ZMAT4: variants seen among roughly 807,000 people sequenced by gnomAD.
ZMAT4 encodes zinc finger matrin-type 4.
ZMAT4 carries 17 observed loss-of-function variants against 28.7 expected under a neutral mutation model. That is an observed-to-expected ratio of 0.59 (90% confidence interval 0.41 to 0.89). The LOEUF (loss-of-function observed/expected upper bound fraction) is 0.89. ZMAT4 is among the 40% of genes least tolerant of loss of function. ZMAT4 has a pLI of 0.00. For synonymous variants in ZMAT4, 117 were observed against 109.2 expected (o/e 1.07, Z -0.44); for missense variants, 240 against 283.8 (o/e 0.85, Z 1.11).
intron 3 of ZMAT4, among the ~76,000 whole-genome samples, chr8:40,731,709 G>A (rs1433651398): frequency 2.6e-5 from 4 of 152,070 alleles, no homozygotes; most frequent in Admixed American, 1.3e-4. Context: ...GGGAAGACAC[G>A]GAAAAAGTCA....
intron 5 of ZMAT4, among the ~76,000 whole-genome samples, chr8:40,651,723 C>A (rs538084065): frequency 4.6e-5 from 7 of 151,868 alleles, no homozygotes; most frequent in Non-Finnish European, 8.8e-5. Flanking sequence ...GGTACTGGTA[C>A]CAAAACAGAG....
At chr8:40,855,469 G>A (rs899609558) in intron 1 of ZMAT4, among the ~76,000 whole-genome samples, 2 of 152,104 alleles carry the variant, frequency 1.3e-5, no homozygotes, top group Non-Finnish European at 2.9e-5. Context: ...CACAGGTTCT[G>A]TAGGAGTAGA....
At chr8:40,609,216 C>T (rs575977466) in intron 5 of ZMAT4, among the ~76,000 whole-genome samples, 7 of 152,204 alleles carry the variant, frequency 4.6e-5, no homozygotes, top group South Asian at 4.2e-4. Flanking sequence ...ATGTAAGACC[C>T]AAATTTTATC....
At chr8:40,697,148 G>A (rs369932576) in intron 4 of ZMAT4, 97 bp downstream of exon 4, 9 of 1,390,248 alleles carry the variant, frequency 6.5e-6, no homozygotes, top group Non-Finnish European at 8.7e-6. Context: ...ATTAGGCTCT[G>A]GTTCTGGCAA....
At chr8:40,684,637 G>C (rs187158495) in intron 4 of ZMAT4, among the ~76,000 whole-genome samples, 1 of 152,340 alleles carries the variant, frequency 6.6e-6, no homozygotes, top group African/African-American at 2.4e-5. Flanking sequence ...TATTCAACTA[G>C]AGAGCCAGCT....
chr8:40,659,509 T>A (rs575003859), intron 5 of ZMAT4, among the ~76,000 whole-genome samples: 1 of 152,182 alleles, frequency 6.6e-6, no homozygotes, highest in African/African-American at 2.4e-5. Flanking sequence ...CCAGGGGTGG[T>A]CAAACAGAAT....
chr8:40,886,188 C>T (rs1190337646), intron 1 of ZMAT4, among the ~76,000 whole-genome samples: 1 of 152,200 alleles, frequency 6.6e-6, no homozygotes, highest in Non-Finnish European at 1.5e-5. Flanking sequence ...TCACACAGCC[C>T]CAGAGCCAGG....
intron 6 of ZMAT4, among the ~76,000 whole-genome samples, chr8:40,580,395 T>C (rs1353339120): frequency 6.6e-6 from 1 of 152,196 alleles, no homozygotes; most frequent in Non-Finnish European, 1.5e-5. Context: ...TTAACATTCA[T>C]AATTCATGAG....
chr8:40,883,416 C>T (rs1379485650), intron 1 of ZMAT4, among the ~76,000 whole-genome samples: 2 of 152,168 alleles, frequency 1.3e-5, no homozygotes, highest in Non-Finnish European at 2.9e-5. Context: ...CCTGGAATGT[C>T]GAACCCCTCT....
chr8:40,670,650 A>G (rs1808626240), intron 5 of ZMAT4, among the ~76,000 whole-genome samples: 1 of 152,250 alleles, frequency 6.6e-6, no homozygotes, highest in Non-Finnish European at 1.5e-5. Context: ...GTGAATCCAT[A>G]ATACGTGAAA....
intron 5 of ZMAT4, among the ~76,000 whole-genome samples, chr8:40,587,150 G>C (rs1426394311): frequency 6.6e-6 from 1 of 151,152 alleles, no homozygotes; most frequent in Admixed American, 6.6e-5. Flanking sequence ...GAAAACACCT[G>C]TTCACTCAGA....
intron 2 of ZMAT4, among the ~76,000 whole-genome samples, chr8:40,788,764 CAA>C (rs1814194644): frequency 7.0e-6 from 1 of 142,560 alleles, no homozygotes; most frequent in East Asian, 2.0e-4. Flanking sequence ...AAGGACATTA[CAA>C]GGAAAAAAAA....
At chr8:40,883,302 C>T (rs1818343084) in intron 1 of ZMAT4, among the ~76,000 whole-genome samples, 1 of 152,182 alleles carries the variant, frequency 6.6e-6, no homozygotes, top group Admixed American at 6.5e-5. Context: ...GTCACATGTT[C>T]CCTAGTCTGT....
In ZMAT4 at chr8:40,848,039, C is replaced by T. The variant is rs574976280; in HGVS notation, c.-4-22359G>A. On this transcript the variant is annotated intron_variant, in intron 1 of 6. Coordinates refer to ENST00000297737, the MANE Select transcript of ZMAT4 (RefSeq NM_024645.3). The stretch of plus-strand genomic sequence containing the variant: ...AGTGGGCAATGTTGTAAATGAGGAG[C>T]GGTTTATCTGCTGGAACACTAGATT... 2.4e-3 allele frequency among the ~76,000 whole-genome samples: 360 copies of T among 152,264 alleles called. 2 individuals carry two copies. The highest frequency in any genetic ancestry group is 8.4e-3 in the African/African-American group (351 of 41,542).
At chr8:40,688,320 T>C (rs751317245) in intron 4 of ZMAT4, among the ~76,000 whole-genome samples, 48 of 151,778 alleles carry the variant, frequency 3.2e-4, no homozygotes, top group Non-Finnish European at 6.5e-4. Context: ...GCTGAGTGTA[T>C]TGGCATGCAC....
intron 5 of ZMAT4, among the ~76,000 whole-genome samples, chr8:40,585,581 C>T (rs1804641077): frequency 6.6e-6 from 1 of 151,922 alleles, no homozygotes; most frequent in African/African-American, 2.4e-5. Flanking sequence ...CAATACTGGA[C>T]CTTTAAAAAA....
intron 2 of ZMAT4, among the ~76,000 whole-genome samples, chr8:40,775,703 A>G (rs1813563722): frequency 6.6e-6 from 1 of 152,090 alleles, no homozygotes. Context: ...CTGTGGCTGA[A>G]GGTGCCATGC....
At position 40,550,131 on chromosome 8, in the gene ZMAT4, G is replaced by A. The variant is rs185251887; in HGVS notation, c.675-17893C>T. Among the ~76,000 whole-genome samples the A allele has an allele frequency of 4.0e-3, 607 of 152,172 alleles. 2 individuals carry two copies. Among genetic ancestry groups the A allele is most frequent in the Middle Eastern group, 0.01 (3 of 294 alleles). On this transcript the variant is annotated intron_variant, in intron 6 of 6. Transcript: ENST00000297737. ...AAGGTTCCAACTCCTGAGTTGTGAT[G>A]GGTTCTCTTGGGCCACTCCCAGACC... is the stretch of plus-strand genomic sequence containing the variant.
intron 5 of ZMAT4, among the ~76,000 whole-genome samples, chr8:40,641,262 C>T (rs925612734): frequency 1.2e-4 from 19 of 152,212 alleles, no homozygotes; most frequent in African/African-American, 3.4e-4. Flanking sequence ...GCAAAATTAC[C>T]GCTAAAAGCC....
Sources: allele counts gnomAD v4.1 joint callset (sites outside exome capture counted in the v4.1 genomes callset), GRCh38; gene constraint gnomAD v4.1.1; transcripts MANE v1.5; gene names NCBI Gene and HGNC (gene_info 2026-07-23, HGNC 2026-07-21).